The following UBN2 variants were observed in gnomAD, a reference collection of about 807,000 sequenced individuals.
UBN2 encodes the protein ubinuclein 2, also known as ubinuclein-2.
A neutral mutation model predicts 120.2 loss-of-function variants in UBN2; 35 were observed. The ratio of observed to expected loss-of-function variants is 0.29; its 90% CI spans 0.22 to 0.39. The LOEUF (loss-of-function observed/expected upper bound fraction) is 0.39, where lower values mean the gene tolerates loss of function less well. UBN2 is among the 10% of genes least tolerant of loss of function. UBN2 has a pLI of 1.00. For synonymous variants in UBN2, 661 were observed against 648.7 expected (o/e 1.02, Z -0.29); for missense variants, 1,693 against 1,663.2 (o/e 1.02, Z -0.31).
At chr7:139,311,808 A>C (rs1798452485), downstream of UBN2, among the ~76,000 whole-genome samples, 1 of 152,158 alleles carries the variant, frequency 6.6e-6, no homozygotes, top group Admixed American at 6.5e-5. Flanking sequence ...GGTATCAGAA[A>C]CCCCTGGCTG....
At chr7:139,291,381 A>C (rs1337412165) in intron 15 of UBN2, among the ~76,000 whole-genome samples, 1 of 151,160 alleles carries the variant, frequency 6.6e-6, no homozygotes, top group Non-Finnish European at 1.5e-5. Context: ...AAAAAAAAAA[A>C]ACATGGAAAA....
chr7:139,252,141 G>A (rs1796639699), intron 3 of UBN2, 84 bp downstream of exon 3: 1 of 1,064,176 alleles, frequency 9.4e-7, no homozygotes, highest in East Asian at 2.4e-5. Context: ...CTTAAATAGT[G>A]CAGTGAATGT....
chr7:139,281,021 T>C (rs937814862), intron 13 of UBN2, among the ~76,000 whole-genome samples: 1 of 152,234 alleles, frequency 6.6e-6, no homozygotes, highest in Admixed American at 6.5e-5. Flanking sequence ...TTAAATCTGT[T>C]GAATTTAGAT....
chr7:139,271,015 C>T (rs543571277), intron 8 of UBN2, among the ~76,000 whole-genome samples: 34 of 152,048 alleles, frequency 2.2e-4, no homozygotes, highest in Non-Finnish European at 4.0e-4. Flanking sequence ...CTCCCGACCT[C>T]AGGTGATCTG....
intron 2 of UBN2, among the ~76,000 whole-genome samples, chr7:139,251,195 A>G (rs1020936250): frequency 6.6e-6 from 1 of 152,154 alleles, no homozygotes; most frequent in African/African-American, 2.4e-5. Context: ...AATAATAATA[A>G]TAATTTAAAA....
chr7:139,293,504 A>G (rs1412680784), intron 16 of UBN2, 41 bp downstream of exon 16: 1 of 1,552,168 alleles, frequency 6.4e-7, no homozygotes, highest in Admixed American at 1.7e-5. Context: ...GTCTAGCTTG[A>G]CAGAACAGGA....
rs150229821 is a variant in UBN2 at position 139,271,137 on chromosome 7, A to G, written c.1597-1185A>G. On this transcript the variant is annotated intron_variant, in intron 8 of 17. Transcript: ENST00000473989. ...GTCATATGTGCTATAATATTTATTT[A>G]CTGGTGTTCGTGGAATAGGTTAATA... is the stretch of plus-strand genomic sequence containing the variant. Among the ~76,000 whole-genome samples the G allele has an allele frequency of 4.6e-5, 7 of 152,248 alleles. No homozygotes were observed. The East Asian group carries it at 1.3e-3, about 29-fold the overall frequency.
At chr7:139,294,097 A>G (rs916442185) in intron 17 of UBN2, 116 bp downstream of exon 17, 7 of 963,642 alleles carry the variant, frequency 7.3e-6, no homozygotes, top group Non-Finnish European at 9.5e-6. Flanking sequence ...GCAAATTTTC[A>G]TAGACTGAAT....
intron 8 of UBN2, 77 bp downstream of exon 8, chr7:139,269,600 G>A: frequency 6.8e-7 from 1 of 1,480,340 alleles, no homozygotes; most frequent in African/African-American, 1.4e-5. Flanking sequence ...TGGGGCCTTT[G>A]CACATTAATT....
intron 10 of UBN2, 83 bp downstream of exon 10, chr7:139,273,493 A>C: frequency 1.0e-6 from 1 of 983,232 alleles, no homozygotes; most frequent in Non-Finnish European, 1.4e-6. Flanking sequence ...ATAAATATAA[A>C]ACTAGATTGG....
In UBN2 at chr7:139,284,173, A is replaced by G. The variant is rs1428672627; in HGVS notation, c.3268A>G (p.Ser1090Gly). The G allele has an allele frequency of 1.9e-6, 3 of 1,614,178 alleles. No individual in the cohort carries two copies. Among genetic ancestry groups the G allele is most frequent in the Non-Finnish European group, 2.5e-6 (3 of 1,180,032 alleles). The change falls in exon 15 of 18, where the codon AGT becomes GGT. Residue 1090 changes from serine to glycine, a missense_variant. This residue lies in a region of UBN2 where 837 missense variants were observed against 817.6 expected (regional missense o/e 1.02). Transcript: ENST00000473989. ...AACTCCCAAGCCTACTGTATCCCCA[A>G]GTAGTTCCAGTCCAAATGCACTAGT... is the stretch of plus-strand genomic sequence containing the variant. ...NPTPKPTVSPSSSSPNALVAQ... is the reference protein window; with the variant it reads ...NPTPKPTVSPGSSSPNALVAQ...
At chr7:139,272,285 T>C (rs1797299131) in intron 8 of UBN2, 37 bp from the exon 9 acceptor site, 1 of 1,492,608 alleles carries the variant, frequency 6.7e-7, no homozygotes, top group Non-Finnish European at 9.2e-7. Flanking sequence ...TTCGTAAATA[T>C]GTCTGATAAA....
chr7:139,264,938 G>A (rs1452159499), intron 6 of UBN2, among the ~76,000 whole-genome samples: 1 of 152,088 alleles, frequency 6.6e-6, no homozygotes, highest in Admixed American at 6.5e-5. Flanking sequence ...TGGGGTACAT[G>A]TCATAATTTG....
chr7:139,311,526 G>A (rs925196027), downstream of UBN2, among the ~76,000 whole-genome samples: 1 of 152,208 alleles, frequency 6.6e-6, no homozygotes, highest in African/African-American at 2.4e-5. Context: ...TCTGCACAGG[G>A]GTGAGACCCC....
chr7:139,287,712 A>G (rs1797831438), intron 15 of UBN2, among the ~76,000 whole-genome samples: 1 of 151,082 alleles, frequency 6.6e-6, no homozygotes, highest in Non-Finnish European at 1.5e-5. Context: ...ACTGAAGAAA[A>G]GATTAATAAT....
At chr7:139,240,425 C>T (rs1000279474) in intron 2 of UBN2, among the ~76,000 whole-genome samples, 3 of 128,436 alleles carry the variant, frequency 2.3e-5, no homozygotes, top group Non-Finnish European at 3.2e-5. Context: ...CTGTACCCAG[C>T]CTAAATATAT....
intron 13 of UBN2, among the ~76,000 whole-genome samples, 162 bp downstream of exon 13, chr7:139,279,522 T>C (rs1797540832): frequency 6.6e-6 from 1 of 152,244 alleles, no homozygotes; most frequent in Non-Finnish European, 1.5e-5. Context: ...TTTGGGAGAA[T>C]AGATTCCTGT....
At chr7:139,294,115 C>T in intron 17 of UBN2, 134 bp downstream of exon 17, 2 of 775,312 alleles carry the variant, frequency 2.6e-6, no homozygotes, top group South Asian at 3.3e-5. Context: ...AATCCTCATT[C>T]CTCATTAGCA....
At position 139,293,339 on chromosome 7, in the gene UBN2, C is replaced by G. The variant is rs767337279; in HGVS notation, c.3777C>G (p.Gly1259=). ...QNVTPFGMLG[G]LVPVTMPFQF... Reference sequence around the variant, plus strand: ...TGACTCCTTTTGGGATGCTGGGTGGCCTTGTTCCAGTGACCATGCCCTTCC... The same window carrying G: ...TGACTCCTTTTGGGATGCTGGGTGGGCTTGTTCCAGTGACCATGCCCTTCC... The change falls in exon 16 of 18, where the codon GGC becomes GGG. Residue 1259 remains glycine (G), a synonymous_variant. Transcript: ENST00000473989. The G allele has an allele frequency of 2.5e-6, 4 of 1,614,144 alleles. No homozygotes were observed. Among genetic ancestry groups the G allele is most frequent in the Non-Finnish European group, 3.4e-6 (4 of 1,180,030 alleles).
Sources: gnomAD v4.1 joint callset for allele counts (sites outside exome capture counted in the v4.1 genomes callset) on GRCh38, gnomAD v4.1.1 for gene constraint, gnomAD v4.1.1 regional missense constraint, MANE v1.5 for transcripts, NCBI Gene and HGNC (gene_info 2026-07-23, HGNC 2026-07-21) for gene names.